PAN3: variants seen among roughly 807,000 people sequenced by gnomAD.
PAN3 encodes PAN2-PAN3 deadenylation complex subunit PAN3.
In PAN3, 19 loss-of-function variants were observed where a neutral mutation model predicts 96.2. That is an observed-to-expected ratio of 0.20 (90% CI 0.14 to 0.29). PAN3 has a LOEUF of 0.29. Ranked by LOEUF, PAN3 falls within the 10% of genes least tolerant of loss-of-function variation. PAN3 has a pLI of 1.00. For missense variants in PAN3, 882 were observed against 1,108.1 expected (o/e 0.80, Z 2.90); for synonymous variants, 433 against 406.6 (o/e 1.06, Z -0.78).
intron 8 of PAN3, among the ~76,000 whole-genome samples, chr13:28,261,027 A>AT (rs1885676877): frequency 6.6e-6 from 1 of 152,194 alleles, no homozygotes; most frequent in African/African-American, 2.4e-5. Context: ...TTACACTCAG[A>AT]TTCTCAGAAA....
intron 6 of PAN3, among the ~76,000 whole-genome samples, chr13:28,245,797 C>T (rs757754525): frequency 6.6e-6 from 1 of 152,118 alleles, no homozygotes; most frequent in Admixed American, 6.5e-5. Flanking sequence ...TATGTCTAGC[C>T]TCTTTCAGCT....
chr13:28,287,195 T>G (rs1004593520), intron 17 of PAN3, among the ~76,000 whole-genome samples: 2 of 152,228 alleles, frequency 1.3e-5, no homozygotes, highest in Non-Finnish European at 2.9e-5. Context: ...CTGGAAAACC[T>G]TCCTTAATTG....
chr13:28,278,008 C>T (rs537194356), intron 15 of PAN3, among the ~76,000 whole-genome samples: 1 of 152,386 alleles, frequency 6.6e-6, no homozygotes, highest in South Asian at 2.1e-4. Flanking sequence ...AACAGAAGGA[C>T]TTCTCCGTAA....
intron 1 of PAN3, among the ~76,000 whole-genome samples, chr13:28,173,284 CT>C (rs1224372125): frequency 4.0e-5 from 6 of 151,878 alleles, no homozygotes; most frequent in African/African-American, 1.5e-4. Context: ...ATAAATAGTT[CT>C]TTTTTTTCCC....
chr13:28,152,726 C>T (rs1014809063), intron 1 of PAN3, among the ~76,000 whole-genome samples: 4 of 152,080 alleles, frequency 2.6e-5, no homozygotes, highest in Non-Finnish European at 2.9e-5. Flanking sequence ...ATAAATGTCC[C>T]GTTTGAAAAA....
chr13:28,288,980 C>CTA (rs1869353386), intron 18 of PAN3, among the ~76,000 whole-genome samples: 1 of 152,000 alleles, frequency 6.6e-6, no homozygotes, highest in Admixed American at 6.5e-5. Context: ...GCACCCACCA[C>CTA]CATGCCCGGC....
intron 6 of PAN3, among the ~76,000 whole-genome samples, chr13:28,248,384 A>AT (rs1198004811): frequency 6.6e-6 from 1 of 151,738 alleles, no homozygotes; most frequent in Admixed American, 6.6e-5. Context: ...TTAGATTTAG[A>AT]TTTTTCCTTT....
At chr13:28,231,245 A>G (rs1368626328) in intron 6 of PAN3, among the ~76,000 whole-genome samples, 2 of 152,170 alleles carry the variant, frequency 1.3e-5, no homozygotes, top group Non-Finnish European at 2.9e-5. Context: ...TTGTTAAATT[A>G]ATTAATGACA....
chr13:28,140,693 T>C (rs1869641193), intron 1 of PAN3, among the ~76,000 whole-genome samples: 1 of 140,538 alleles, frequency 7.1e-6, no homozygotes, highest in Admixed American at 6.8e-5. Flanking sequence ...AGTGTTGTTC[T>C]GTTCTGTTCT....
At chr13:28,239,159 G>A (rs1325583950) in intron 6 of PAN3, among the ~76,000 whole-genome samples, 30 of 3,870 alleles carry the variant, frequency 7.8e-3, no homozygotes, top group Non-Finnish European at 0.015. Flanking sequence ...CCCCACCCCC[G>A]CCAACACACA....
rs183994029 is a variant in PAN3, at chr13:28,257,851, C to T, written c.1248+1312C>T. 4.7e-5 allele frequency among the ~76,000 whole-genome samples: 7 copies of T among 148,192 alleles called. No homozygotes were observed. The East Asian group carries it at 1.2e-3, about 25-fold the overall frequency. On this transcript the variant is annotated intron_variant, in intron 7 of 18. Coordinates refer to ENST00000380958, the MANE Select transcript of PAN3 (RefSeq NM_175854.8). ...TTTTTGAGATGGATGTTCGCTATTT[C>T]ACCCAGGCTGGAGGGCAGTGGTTCA... is the stretch of plus-strand genomic sequence containing the variant.
intron 1 of PAN3, among the ~76,000 whole-genome samples, chr13:28,168,629 G>T (rs1386425447): frequency 2.0e-5 from 3 of 152,168 alleles, no homozygotes; most frequent in Non-Finnish European, 4.4e-5. Context: ...TGAGGCAGGA[G>T]AATTGCTTGA....
At chr13:28,193,842 T>C (rs1262961198) in intron 4 of PAN3, among the ~76,000 whole-genome samples, 2 of 151,566 alleles carry the variant, frequency 1.3e-5, no homozygotes, top group Non-Finnish European at 2.9e-5. Context: ...TGAATTGTAT[T>C]GACTGTAATA....
At chr13:28,243,907 C>G (rs1185266908) in intron 6 of PAN3, among the ~76,000 whole-genome samples, 1 of 152,094 alleles carries the variant, frequency 6.6e-6, no homozygotes, top group African/African-American at 2.4e-5. Flanking sequence ...AGGCTGGTCT[C>G]GAACTCCTGA....
At chr13:28,244,144 T>C (rs1419832130) in intron 6 of PAN3, among the ~76,000 whole-genome samples, 2 of 152,234 alleles carry the variant, frequency 1.3e-5, no homozygotes, top group South Asian at 2.1e-4. Flanking sequence ...CTGTTTTCTT[T>C]ATGATTTTAA....
chr13:28,200,018 G>A (rs1013707420), intron 5 of PAN3, among the ~76,000 whole-genome samples: 3 of 152,170 alleles, frequency 2.0e-5, no homozygotes, highest in Admixed American at 6.5e-5. Context: ...TGGGATAGAT[G>A]TTACTGCTAG....
chr13:28,263,155 A>G (rs1022830087), intron 9 of PAN3, among the ~76,000 whole-genome samples: 1 of 152,180 alleles, frequency 6.6e-6, no homozygotes, highest in African/African-American at 2.4e-5. Context: ...TTGTTTGTGT[A>G]TTAGGGAAGG....
chr13:28,158,556 T>C (rs1037329479), intron 1 of PAN3, among the ~76,000 whole-genome samples: 3 of 152,138 alleles, frequency 2.0e-5, no homozygotes, highest in Non-Finnish European at 2.9e-5. Flanking sequence ...GAAGAAGACA[T>C]ATACTCAGCC....
chr13:28,281,406 T>A, intron 17 of PAN3, 27 bp downstream of exon 17: 1 of 1,567,232 alleles, frequency 6.4e-7, no homozygotes, highest in Non-Finnish European at 8.8e-7. Flanking sequence ...TTTTACAATA[T>A]ATTTTTAATC....
Sources: gnomAD v4.1 joint callset for allele counts (sites outside exome capture counted in the v4.1 genomes callset) on GRCh38, gnomAD v4.1.1 for gene constraint, MANE v1.5 for transcripts, NCBI Gene and HGNC (gene_info 2026-07-23, HGNC 2026-07-21) for gene names.